SULF2: variants seen among roughly 807,000 people sequenced by gnomAD.
The protein encoded by SULF2 is extracellular sulfatase Sulf-2.
In SULF2, 52 loss-of-function variants were observed where a neutral mutation model predicts 107.7. The ratio of observed to expected loss-of-function variants is 0.48; its 90% CI spans 0.39 to 0.61. The LOEUF (loss-of-function observed/expected upper bound fraction) is 0.61. Ranked by LOEUF, SULF2 falls within the 20% of genes least tolerant of loss-of-function variation. The probability of loss-of-function intolerance (pLI) is 0.00; values close to 1 mark genes in which losing one functional copy is unlikely to be tolerated. For synonymous variants in SULF2, 460 were observed against 464.3 expected, an observed-to-expected ratio of 0.99 and a Z score of 0.12; for missense variants, 993 against 1,177.3, an observed-to-expected ratio of 0.84 and a Z score of 2.29.
In SULF2 at chr20:47,661,940, A is replaced by G. The variant is rs116344450; in HGVS notation, c.2371-44T>C. On this transcript the variant is annotated intron_variant, in intron 17 of 20. Transcript: ENST00000688720. ...GTCTGTCAACAAGGTAAGTACAGGGACTCTCGCCCTGCCCTTCTACCAACC... is the reference window on the plus strand; with the variant it reads ...GTCTGTCAACAAGGTAAGTACAGGGGCTCTCGCCCTGCCCTTCTACCAACC... The G allele has an allele frequency of 3.3e-3, 4,787 of 1,454,130 alleles. 70 individuals carry two copies. The African/African-American group carries it at 0.041, about 13-fold the overall frequency. The allele number at this position is 1,454,130 out of a possible 1,614,324, so 90.1% of individuals were successfully genotyped here.
chr20:47,736,815 G>C lies in SULF2; in HGVS notation c.303C>G (p.Val101=). ...SRSSILTGKY[V]HNHNTYTNNE... ...TGTTGGTGTAGGTGTTGTGGTTGTG[G>C]ACGTACTTGCCAGTGAGGATGGAGG... The change falls in exon 3 of 21, where the codon GTC becomes GTG. Residue 101 remains valine (V), a synonymous_variant. Transcript: ENST00000688720. 6.2e-7 allele frequency: 1 copy of C among 1,614,196 alleles called. No homozygotes were observed. The highest frequency in any genetic ancestry group is 8.5e-7 in the Non-Finnish European group (1 of 1,180,006).
chr20:47,757,145 T>C, intron 2 of SULF2, 44 bp downstream of exon 2: 3 of 1,506,154 alleles, frequency 2.0e-6, no homozygotes, highest in South Asian at 1.3e-5. Flanking sequence ...CCAGGGACCC[T>C]GCTCCGAGGG....
intron 18 of SULF2, among the ~76,000 whole-genome samples, chr20:47,660,668 G>A (rs1602571225): frequency 1.3e-5 from 2 of 151,990 alleles, no homozygotes; most frequent in African/African-American, 2.4e-5. Flanking sequence ...GAGTGCAGTG[G>A]TGCTATCATA....
intron 1 of SULF2, among the ~76,000 whole-genome samples, chr20:47,775,967 A>G (rs2090717651): frequency 6.6e-6 from 1 of 152,200 alleles, no homozygotes; most frequent in African/African-American, 2.4e-5. Flanking sequence ...GACAAACTCA[A>G]ATGCCTACGT....
chr20:47,664,267 G>A, intron 14 of SULF2, 78 bp from the exon 15 acceptor site: 7 of 1,432,630 alleles, frequency 4.9e-6, no homozygotes, highest in Non-Finnish European at 6.7e-6. Flanking sequence ...TGTGATTTCT[G>A]GGACTCCCAT....
At position 47,680,450 on chromosome 20, in the gene SULF2, G is replaced by C. The variant is rs1183848407; in HGVS notation, c.1065-1646C>G. The stretch of plus-strand genomic sequence containing the variant: ...CCCAATGTAGGGTAAGGGACTTAAG[G>C]GGTGTGCCCAGCACAGGACCCAGGA... On this transcript the variant is annotated intron_variant, in intron 7 of 20. Transcript: ENST00000688720. The surrounding 1 kb of genome is among the most constrained non-coding windows in gnomAD (Gnocchi z 4.2). 6.6e-6 allele frequency among the ~76,000 whole-genome samples: 1 copy of C among 152,226 alleles called. No individual in the cohort carries two copies. The highest frequency in any genetic ancestry group is 2.4e-5 in the African/African-American group (1 of 41,456).
intron 7 of SULF2, among the ~76,000 whole-genome samples, chr20:47,681,869 G>C (rs2087833695): frequency 1.3e-5 from 2 of 152,134 alleles, no homozygotes; most frequent in Non-Finnish European, 1.5e-5. Flanking sequence ...ATTTTTAGTA[G>C]AGGCAGGGTT....
At chr20:47,669,699 G>A (rs1034916380) in intron 11 of SULF2, among the ~76,000 whole-genome samples, 1 of 152,112 alleles carries the variant, frequency 6.6e-6, no homozygotes, top group African/African-American at 2.4e-5. Context: ...GATCACCCCT[G>A]CCCTGCTCAC....
chr20:47,756,200 A>C (rs1187241105), intron 2 of SULF2, among the ~76,000 whole-genome samples: 1 of 152,138 alleles, frequency 6.6e-6, no homozygotes, highest in South Asian at 2.1e-4. Flanking sequence ...AAAATTCTTC[A>C]AGAAACGAAA....
chr20:47,770,217 T>C (rs2090604829), intron 1 of SULF2, among the ~76,000 whole-genome samples: 1 of 151,962 alleles, frequency 6.6e-6, no homozygotes, highest in African/African-American at 2.4e-5. Context: ...AGGACAACCA[T>C]GCCCGATTAC....
chr20:47,734,886 C>T (rs1015753133), intron 3 of SULF2, among the ~76,000 whole-genome samples: 2 of 152,180 alleles, frequency 1.3e-5, no homozygotes, highest in African/African-American at 4.8e-5. Context: ...TGGTGATTTG[C>T]ATACATTCAA....
chr20:47,766,776 T>A (rs1337307339), intron 1 of SULF2, among the ~76,000 whole-genome samples: 1 of 152,026 alleles, frequency 6.6e-6, no homozygotes, highest in Non-Finnish European at 1.5e-5. Flanking sequence ...AGAGTGGCCA[T>A]GGATTAAAGT....
intron 1 of SULF2, among the ~76,000 whole-genome samples, chr20:47,760,004 G>A (rs2090383733): frequency 6.6e-6 from 1 of 152,222 alleles, no homozygotes. Flanking sequence ...AGGAACGGAG[G>A]TTCTGCTAAG....
At chr20:47,731,210 T>TTTTTTTTTTTTTTG (rs1491437167) in intron 3 of SULF2, among the ~76,000 whole-genome samples, 4 of 135,712 alleles carry the variant, frequency 2.9e-5, no homozygotes, top group African/African-American at 1.2e-4. Flanking sequence ...TTTTTTTTTT[T>TTTTTTTTTTTTTTG]GAGACAGAGT....
At chr20:47,777,381 T>C (rs891721915) in intron 1 of SULF2, among the ~76,000 whole-genome samples, 4 of 151,240 alleles carry the variant, frequency 2.6e-5, no homozygotes, top group African/African-American at 9.9e-5. Flanking sequence ...TCCTGTCCTA[T>C]AGTCCCACTT....
chr20:47,666,445 C>G lies in SULF2; in HGVS notation c.1620G>C (p.Val540=). Residue 540 remains valine (V), a synonymous_variant, in exon 12 of 21, where the codon GTG becomes GTC. Coordinates refer to ENST00000688720, the MANE Select transcript of SULF2 (RefSeq NM_001387048.1). This position sits in a 1 kb window ranked among gnomAD's most constrained non-coding sequence, Gnocchi z 5.4. ...ACACCCTGCCGTCCACCTCGATGGC[C>G]ACTGAGCGGATGGAGCGACTGCGGA... ...SYVRSRSIRS[V]AIEVDGRVYH... is the part of the protein sequence containing the mutation. 6 of 1,613,780 alleles carry G rather than the reference C, an allele frequency of 3.7e-6. No homozygotes were observed. The highest frequency in any genetic ancestry group is 5.1e-6 in the Non-Finnish European group (6 of 1,180,040).
intron 1 of SULF2, among the ~76,000 whole-genome samples, chr20:47,779,905 A>T (rs1226106092): frequency 6.6e-6 from 1 of 151,884 alleles, no homozygotes; most frequent in African/African-American, 2.4e-5. Flanking sequence ...CCGCGTCCAG[A>T]CAGTTATCCA....
chr20:47,770,674 C>T (rs952954836), intron 1 of SULF2, among the ~76,000 whole-genome samples: 1 of 152,188 alleles, frequency 6.6e-6, no homozygotes, highest in African/African-American at 2.4e-5. Flanking sequence ...AAGGGCTGGT[C>T]TCTGCTTTGT....
intron 4 of SULF2, among the ~76,000 whole-genome samples, chr20:47,691,761 T>C (rs567005507): frequency 6.6e-6 from 1 of 152,162 alleles, no homozygotes; most frequent in East Asian, 1.9e-4. Flanking sequence ...TGCAGTAATG[T>C]CTCCAGGAAA....
Sources: allele counts gnomAD v4.1 joint callset (sites outside exome capture counted in the v4.1 genomes callset), GRCh38; gene constraint gnomAD v4.1.1; non-coding constraint Gnocchi (gnomAD v3.1); transcripts MANE v1.5; gene names NCBI Gene and HGNC (gene_info 2026-07-23, HGNC 2026-07-21).